Variants in AGBL1 observed in about 807,000 individuals in gnomAD.
AGBL1 encodes the protein cytosolic carboxypeptidase 4.
A neutral mutation model predicts 118.9 loss-of-function variants in AGBL1; 130 were observed. The observed-to-expected ratio is 1.09, with a 90% confidence interval of 0.95 to 1.26. The LOEUF (loss-of-function observed/expected upper bound fraction) is 1.26, where lower values mean the gene tolerates loss of function less well. AGBL1 is among the 50% of genes most tolerant of loss of function. The pLI, the probability that AGBL1 is intolerant of heterozygous loss-of-function variation, is 0.00. For missense variants in AGBL1, 1,584 were observed against 1,298.1 expected (o/e 1.22, Z -3.38); for synonymous variants, 555 against 478.9 (o/e 1.16, Z -2.08).
chr15:86,843,324 A>G (rs923706810), intron 22 of AGBL1, among the ~76,000 whole-genome samples: 3 of 151,906 alleles, frequency 2.0e-5, no homozygotes, highest in African/African-American at 7.3e-5. Flanking sequence ...TGCAGGCAAC[A>G]CTGAAGCCAG....
chr15:86,162,955 A>G (rs997415732), intron 5 of AGBL1, among the ~76,000 whole-genome samples: 1 of 152,146 alleles, frequency 6.6e-6, no homozygotes, highest in Non-Finnish European at 1.5e-5. Context: ...ACTCTCCTCA[A>G]ACATCCTCCA....
intron 22 of AGBL1, among the ~76,000 whole-genome samples, chr15:86,685,383 C>T (rs187484319): frequency 1.2e-4 from 19 of 152,092 alleles, no homozygotes; most frequent in East Asian, 1.9e-4. Context: ...TATTGGAAAA[C>T]GAAGATAACT....
At chr15:86,844,804 G>A (rs554793731) in intron 22 of AGBL1, among the ~76,000 whole-genome samples, 1 of 152,144 alleles carries the variant, frequency 6.6e-6, no homozygotes, top group African/African-American at 2.4e-5. Flanking sequence ...TGAAAATTTT[G>A]TCCTATATTT....
intron 22 of AGBL1, among the ~76,000 whole-genome samples, chr15:86,829,078 G>A (rs1290351047): frequency 6.6e-6 from 1 of 151,816 alleles, no homozygotes; most frequent in Non-Finnish European, 1.5e-5. Flanking sequence ...TGATGTCCTG[G>A]TTATTACATG....
chr15:86,669,821 A>G (rs2085709507), intron 21 of AGBL1, among the ~76,000 whole-genome samples: 1 of 152,196 alleles, frequency 6.6e-6, no homozygotes, highest in African/African-American at 2.4e-5. Context: ...AACTATGGCA[A>G]TAAAGTCTGA....
chr15:86,414,743 A>G (rs1470759828), intron 18 of AGBL1, among the ~76,000 whole-genome samples: 1 of 152,190 alleles, frequency 6.6e-6, no homozygotes, highest in East Asian at 1.9e-4. Flanking sequence ...ATCTAGAGGA[A>G]CATTAACGAT....
At chr15:86,561,672 G>A (rs1196024303) in intron 21 of AGBL1, among the ~76,000 whole-genome samples, 1 of 152,016 alleles carries the variant, frequency 6.6e-6, no homozygotes, top group African/African-American at 2.4e-5. Flanking sequence ...TTAAAGTAGT[G>A]TTTTCCAATT....
intron 2 of AGBL1, among the ~76,000 whole-genome samples, chr15:86,143,397 T>C (rs57897354): frequency 0.063 from 9,550 of 152,276 alleles, 470 homozygotes; most frequent in East Asian, 0.24. Flanking sequence ...TACATACATG[T>C]ACACACATGT....
intron 18 of AGBL1, among the ~76,000 whole-genome samples, chr15:86,511,557 T>A (rs1000081157): frequency 6.6e-6 from 1 of 152,068 alleles, no homozygotes; most frequent in African/African-American, 2.4e-5. Context: ...TGTGTGACCT[T>A]AGGCAGGTTA....
At chr15:86,110,869 C>T (rs1775914136) in intron 1 of AGBL1, among the ~76,000 whole-genome samples, 1 of 152,172 alleles carries the variant, frequency 6.6e-6, no homozygotes, top group Non-Finnish European at 1.5e-5. Flanking sequence ...AATACCATCC[C>T]TCCCTCCCTT....
At chr15:86,326,526 G>A (rs982635694) in intron 17 of AGBL1, among the ~76,000 whole-genome samples, 2 of 152,146 alleles carry the variant, frequency 1.3e-5, no homozygotes, top group African/African-American at 2.4e-5. Flanking sequence ...CATTCCTTTG[G>A]CTAGAGAAGT....
chr15:86,764,563 G>C (rs1034148492), intron 22 of AGBL1, among the ~76,000 whole-genome samples: 1 of 152,050 alleles, frequency 6.6e-6, no homozygotes, highest in Non-Finnish European at 1.5e-5. Flanking sequence ...TATAAATCCT[G>C]TATACTCTTA....
intron 6 of AGBL1, among the ~76,000 whole-genome samples, chr15:86,246,735 A>C (rs1366830154): frequency 6.6e-6 from 1 of 152,226 alleles, no homozygotes; most frequent in African/African-American, 2.4e-5. Context: ...CAACTATATG[A>C]AACAAATTTA....
chr15:86,838,941 TAAAAAAAAAAA>T lies in AGBL1; in HGVS notation c.3159-68131_3159-68121del, dbSNP rs386383698. 2.3e-4 allele frequency among the ~76,000 whole-genome samples: 11 copies of T among 48,006 alleles called. No homozygotes were observed. The East Asian group carries it at 7.9e-3, about 34-fold the overall frequency. 31.5% of individuals were successfully genotyped at this position (48,006 alleles called of 152,430 possible). ...CCCCGGGCAACAGAATGAGATCCTG[TAAAAAAAAAAA>T]AAAAAAAAAAAAAAGAAAGAAATGT... On this transcript the variant is annotated intron_variant, in intron 22 of 22. Transcript: ENST00000614907.
intron 18 of AGBL1, among the ~76,000 whole-genome samples, chr15:86,434,269 A>T (rs1215937517): frequency 6.6e-6 from 1 of 152,208 alleles, no homozygotes. Flanking sequence ...CCACCCAGTT[A>T]TCTGACAACA....
intron 22 of AGBL1, among the ~76,000 whole-genome samples, chr15:86,762,808 T>A (rs2078045231): frequency 1.3e-5 from 2 of 152,036 alleles, no homozygotes; most frequent in South Asian, 4.1e-4. Context: ...ATTTTCTACC[T>A]ATCCTTGGTG....
chr15:86,378,799 A>G (rs564726097), intron 17 of AGBL1, among the ~76,000 whole-genome samples: 114 of 152,250 alleles, frequency 7.5e-4, no homozygotes, highest in African/African-American at 2.5e-3. Flanking sequence ...AGGGCAACCA[A>G]CTGCCCCAGT....
At chr15:86,537,446 A>G (rs1428575468) in intron 19 of AGBL1, among the ~76,000 whole-genome samples, 1 of 152,152 alleles carries the variant, frequency 6.6e-6, no homozygotes, top group Non-Finnish European at 1.5e-5. Flanking sequence ...CTCTCCCTTC[A>G]ATGTCTGAAA....
At chr15:86,169,164 G>A (rs2077381089) in intron 5 of AGBL1, among the ~76,000 whole-genome samples, 1 of 152,320 alleles carries the variant, frequency 6.6e-6, no homozygotes, top group Middle Eastern at 3.4e-3. Context: ...GGGAGACAGA[G>A]CTGAAGGCCT....
Sources: gnomAD v4.1 joint callset for allele counts (sites outside exome capture counted in the v4.1 genomes callset) on GRCh38, gnomAD v4.1.1 for gene constraint, MANE v1.5 for transcripts, NCBI Gene and HGNC (gene_info 2026-07-23, HGNC 2026-07-21) for gene names.